Variants in CNTNAP2 observed in about 807,000 individuals in gnomAD.
CNTNAP2 encodes contactin associated protein 2, also known as contactin-associated protein-like 2.
Under a neutral mutation model 155.2 loss-of-function variants are expected in CNTNAP2, and 98 were observed. That is an observed-to-expected ratio of 0.63 (90% CI 0.54 to 0.75). The LOEUF is 0.75. Among genes scored for constraint, CNTNAP2 ranks in the 30% least tolerant of loss-of-function variants. CNTNAP2 has a pLI of 0.00. For synonymous variants in CNTNAP2, 651 were observed against 631.2 expected (o/e 1.03, Z -0.47); for missense variants, 1,727 against 1,688.1 (o/e 1.02, Z -0.40).
At chr7:147,104,892 A>ATG in intron 4 of CNTNAP2, among the ~76,000 whole-genome samples, 1 of 52,702 alleles carries the variant, frequency 1.9e-5, no homozygotes, top group East Asian at 5.2e-4. Flanking sequence ...ATATATATAT[A>ATG]TATATATATA....
intron 13 of CNTNAP2, among the ~76,000 whole-genome samples, chr7:147,862,703 A>G (rs1799157160): frequency 6.6e-6 from 1 of 152,136 alleles, no homozygotes; most frequent in East Asian, 1.9e-4. Context: ...TACCTTGTAA[A>G]AAGGTATTTG....
intron 1 of CNTNAP2, among the ~76,000 whole-genome samples, chr7:146,322,540 T>C (rs1159328324): frequency 6.6e-6 from 1 of 151,242 alleles, no homozygotes; most frequent in Admixed American, 6.6e-5. Context: ...GAATGAAACA[T>C]ACAAATTTAA....
chr7:147,614,046 T>A (rs1801238125), intron 12 of CNTNAP2, among the ~76,000 whole-genome samples: 1 of 152,188 alleles, frequency 6.6e-6, no homozygotes, highest in Non-Finnish European at 1.5e-5. Flanking sequence ...TATGTCAAGT[T>A]TACATATATA....
chr7:148,178,186 C>T (rs955131125), intron 18 of CNTNAP2, among the ~76,000 whole-genome samples: 7 of 152,158 alleles, frequency 4.6e-5, no homozygotes, highest in African/African-American at 1.4e-4. Context: ...TCAAGAGACA[C>T]AAAGATATCT....
At chr7:147,487,905 T>C (rs1001038124) in intron 11 of CNTNAP2, among the ~76,000 whole-genome samples, 3 of 152,196 alleles carry the variant, frequency 2.0e-5, no homozygotes, top group Non-Finnish European at 4.4e-5. Flanking sequence ...TTGTTGGATC[T>C]TTAAAAGCAG....
At chr7:146,731,802 G>A (rs1379066446) in intron 1 of CNTNAP2, among the ~76,000 whole-genome samples, 1 of 152,068 alleles carries the variant, frequency 6.6e-6, no homozygotes, top group Admixed American at 6.6e-5. Context: ...GCACACCACT[G>A]AAATTCTGCA....
intron 12 of CNTNAP2, among the ~76,000 whole-genome samples, chr7:147,607,243 C>T (rs980120185): frequency 7.8e-6 from 1 of 128,704 alleles, no homozygotes; most frequent in East Asian, 2.3e-4. Context: ...CCCCTCCCTG[C>T]CCTTCTGGGA....
chr7:147,157,415 A>C (rs756768381), intron 8 of CNTNAP2, among the ~76,000 whole-genome samples: 2 of 152,134 alleles, frequency 1.3e-5, no homozygotes, highest in East Asian at 3.9e-4. Context: ...ATGGAAACAA[A>C]TATAACTGTT....
chr7:147,069,757 G>A (rs1035387281), intron 4 of CNTNAP2, among the ~76,000 whole-genome samples: 1 of 152,188 alleles, frequency 6.6e-6, no homozygotes, highest in Non-Finnish European at 1.5e-5. Flanking sequence ...CTAGTAGGTA[G>A]AGTTGTCCAA....
intron 21 of CNTNAP2, among the ~76,000 whole-genome samples, chr7:148,319,784 C>T (rs944487090): frequency 9.9e-5 from 15 of 151,656 alleles, no homozygotes; most frequent in Non-Finnish European, 2.1e-4. Context: ...CATCTAGTTG[C>T]AGGATAACAA....
chr7:146,361,475 A>C (rs950653947), intron 1 of CNTNAP2, among the ~76,000 whole-genome samples: 1 of 152,246 alleles, frequency 6.6e-6, no homozygotes, highest in South Asian at 2.1e-4. Flanking sequence ...CCTGTTTTGA[A>C]CTAAACTAAG....
At chr7:146,735,915 C>T (rs1021258601) in intron 1 of CNTNAP2, among the ~76,000 whole-genome samples, 2 of 151,864 alleles carry the variant, frequency 1.3e-5, no homozygotes, top group Non-Finnish European at 2.9e-5. Flanking sequence ...TCGAACGTTC[C>T]CAACATTAAG....
At chr7:147,282,139 G>A (rs1179024939) in intron 8 of CNTNAP2, among the ~76,000 whole-genome samples, 3 of 151,796 alleles carry the variant, frequency 2.0e-5, no homozygotes, top group South Asian at 2.1e-4. Context: ...CAGAGGCTAC[G>A]GCTTTACCTT....
At chr7:147,715,709 T>A (rs547855596) in intron 13 of CNTNAP2, among the ~76,000 whole-genome samples, 1 of 152,244 alleles carries the variant, frequency 6.6e-6, no homozygotes, top group Admixed American at 6.5e-5. Flanking sequence ...GAGGTCCAAT[T>A]TATCAACTTT....
intron 21 of CNTNAP2, among the ~76,000 whole-genome samples, chr7:148,352,905 T>A (rs1457442271): frequency 1.3e-5 from 2 of 152,198 alleles, no homozygotes; most frequent in East Asian, 3.9e-4. Flanking sequence ...CTTCTTTACC[T>A]TTCCCCAAAG....
At chr7:148,209,172 C>T (rs1389090239) in intron 18 of CNTNAP2, among the ~76,000 whole-genome samples, 2 of 152,148 alleles carry the variant, frequency 1.3e-5, no homozygotes, top group Non-Finnish European at 2.9e-5. Context: ...GTTGCCCCAG[C>T]TGGAGTGCAA....
intron 13 of CNTNAP2, among the ~76,000 whole-genome samples, chr7:147,770,248 A>G (rs935339446): frequency 1.3e-5 from 2 of 152,224 alleles, no homozygotes; most frequent in Non-Finnish European, 2.9e-5. Context: ...TCTACAATCT[A>G]TAGTCTACAC....
intron 3 of CNTNAP2, among the ~76,000 whole-genome samples, chr7:146,842,676 G>A (rs1212970058): frequency 1.3e-5 from 2 of 151,978 alleles, no homozygotes; most frequent in Non-Finnish European, 2.9e-5. Context: ...AAAGAGACGG[G>A]GGTGTCACAT....
At chr7:148,231,769 C>T (rs1344831290) in intron 20 of CNTNAP2, among the ~76,000 whole-genome samples, 3 of 152,126 alleles carry the variant, frequency 2.0e-5, no homozygotes, top group Admixed American at 1.3e-4. Flanking sequence ...CACGTGCTCA[C>T]CTTGTTGGGT....
Sources: gnomAD v4.1 joint callset for allele counts (sites outside exome capture counted in the v4.1 genomes callset) on GRCh38, gnomAD v4.1.1 for gene constraint, MANE v1.5 for transcripts, NCBI Gene and HGNC (gene_info 2026-07-23, HGNC 2026-07-21) for gene names.